The following CMTM1 variants were observed in gnomAD, a reference collection of about 807,000 sequenced individuals.
CMTM1 encodes CKLF-like MARVEL transmembrane domain-containing protein 1.
A neutral mutation model predicts 17.8 loss-of-function variants in CMTM1; 16 were observed. That is an observed-to-expected ratio of 0.90 (90% CI 0.61 to 1.37). The LOEUF is 1.37. Among genes scored for constraint, CMTM1 ranks in the 40% most tolerant of loss-of-function variants. The probability of loss-of-function intolerance (pLI) is 0.00; values close to 1 mark genes in which losing one functional copy is unlikely to be tolerated. For synonymous variants in CMTM1, 169 were observed against 154.6 expected, an observed-to-expected ratio of 1.09 and a Z score of -0.69; for missense variants, 354 against 375.6, an observed-to-expected ratio of 0.94 and a Z score of 0.47.
At position 66,566,937 on chromosome 16, in the gene CMTM1, C is replaced by T; in HGVS notation, c.424C>T (p.Leu142=). 1 of 1,614,144 alleles carries T rather than the reference C, an allele frequency of 6.2e-7. No individual in the cohort carries two copies. The highest frequency in any genetic ancestry group is 8.5e-7 in the Non-Finnish European group (1 of 1,180,032). ...CTCGCCCACTGGAATGTTGAAGATC[C>T]TGAGACTGGTGAGCGGAGAGCTGGT... ...SFSPTGMLKI[L]RLSLILGALA... Residue 142 remains leucine (L), a synonymous_variant, in exon 1 of 4, where the codon CTG becomes TTG. Coordinates refer to ENST00000379500, the MANE Select transcript of CMTM1 (RefSeq NM_052999.4). This position sits in a 1 kb window ranked among gnomAD's most constrained non-coding sequence, Gnocchi z 4.9.
intron 1 of CMTM1, chr16:66,567,157 T>TC: frequency 6.7e-6 from 4 of 595,782 alleles, no homozygotes; most frequent in Middle Eastern, 2.7e-4. Context: ...ATTTTTTCTT[T>TC]TTTTTTTTTT....
intron 1 of CMTM1, among the ~76,000 whole-genome samples, chr16:66,569,482 A>G (rs2013157978): frequency 6.6e-6 from 1 of 152,254 alleles, no homozygotes; most frequent in African/African-American, 2.4e-5. Context: ...CTGAGAATTT[A>G]GTATACAATA....
chr16:66,577,023 T>G lies in CMTM1; in HGVS notation c.592-81T>G, dbSNP rs1000720125. ...AAGGTTTTTTAAAGGCATCTATTCTTAGATGTGTAATTGACCAGTTTAAAT... is the reference window on the plus strand; with the variant it reads ...AAGGTTTTTTAAAGGCATCTATTCTGAGATGTGTAATTGACCAGTTTAAAT... On this transcript the variant is annotated intron_variant, in intron 2 of 3. Coordinates refer to ENST00000379500, the MANE Select transcript of CMTM1 (RefSeq NM_052999.4). The G allele has an allele frequency of 3.1e-6, 4 of 1,293,420 alleles. No individual in the cohort carries two copies. The African/African-American group carries it at 6.0e-5, about 19-fold the overall frequency. 80.1% of individuals were successfully genotyped at this position (1,293,420 alleles called of 1,614,324 possible). A position where few individuals can be genotyped will look rare whatever the true frequency, so the allele number is the denominator to read the frequency against.
At chr16:66,567,043 T>C in intron 1 of CMTM1, 98 bp downstream of exon 1, 1 of 1,295,062 alleles carries the variant, frequency 7.7e-7, no homozygotes, top group Non-Finnish European at 1.1e-6. Context: ...CCTTCCATAA[T>C]TCACTTTGCC....
At chr16:66,572,687 C>A (rs962771616) in intron 2 of CMTM1, among the ~76,000 whole-genome samples, 4 of 152,162 alleles carry the variant, frequency 2.6e-5, no homozygotes, top group African/African-American at 9.7e-5. Context: ...GCCCAGCATG[C>A]AGCTACCACT....
At chr16:66,577,054 T>G in intron 2 of CMTM1, 50 bp from the exon 3 acceptor site, 1 of 1,531,124 alleles carries the variant, frequency 6.5e-7, no homozygotes, top group Non-Finnish European at 9.0e-7. Context: ...TAAATATTTG[T>G]GAAATTATAT....
chr16:66,567,426 G>A (rs143406413), intron 1 of CMTM1: 14 of 247,454 alleles, frequency 5.7e-5, no homozygotes, highest in Non-Finnish European at 1.0e-4. Flanking sequence ...CTGTTCTTGC[G>A]TTAGTTTGCT....
At chr16:66,567,087 A>C (rs1207461046) in intron 1 of CMTM1, 142 bp downstream of exon 1, 3 of 792,286 alleles carry the variant, frequency 3.8e-6, no homozygotes, top group East Asian at 2.7e-5. Context: ...TTTCCTCCCC[A>C]CCACCCCCTG....
intron 2 of CMTM1, 109 bp downstream of exon 2, chr16:66,570,203 A>G: frequency 1.1e-6 from 1 of 873,982 alleles, no homozygotes; most frequent in South Asian, 1.9e-5. Flanking sequence ...ACAAGGACAT[A>G]GCTGAGCTGT....
rs765435625 is a variant in CMTM1, at chr16:66,578,879, G to T, written c.739G>T (p.Val247Phe). The change falls in exon 4 of 4, where the codon GTC becomes TTC. Residue 247 changes from valine (V) to phenylalanine (F), a missense_variant. Val to Phe is a conservative substitution (Grantham distance 50). Coordinates refer to ENST00000379500, the MANE Select transcript of CMTM1 (RefSeq NM_052999.4). Reference sequence around the variant, plus strand: ...CGTGTGTTGCATCGATGCGTTTGTGGTCACCACGAAGATGAGGACCAACTT... The same window carrying T: ...CGTGTGTTGCATCGATGCGTTTGTGTTCACCACGAAGATGAGGACCAACTT... ...VIVCCIDAFV[V>F]TTKMRTNLKR... is the part of the protein sequence containing the mutation. 20 of 1,614,084 alleles carry T rather than the reference G, an allele frequency of 1.2e-5. No homozygotes were observed. The highest frequency in any genetic ancestry group is 1.6e-5 in the Non-Finnish European group (19 of 1,180,046).
At chr16:66,571,048 G>C (rs1167040172) in intron 2 of CMTM1, 1 of 433,710 alleles carries the variant, frequency 2.3e-6, no homozygotes, top group African/African-American at 2.1e-5. Flanking sequence ...CTTAAAGTCA[G>C]AATGTTCCTT....
intron 1 of CMTM1, chr16:66,567,483 A>G (rs2012738324): frequency 5.0e-6 from 1 of 198,698 alleles, no homozygotes; most frequent in African/African-American, 2.4e-5. Context: ...AAAGGACATG[A>G]ACTCATCCTT....
At chr16:66,572,781 C>T (rs981364957) in intron 2 of CMTM1, among the ~76,000 whole-genome samples, 4 of 152,058 alleles carry the variant, frequency 2.6e-5, no homozygotes, top group South Asian at 2.1e-4. Context: ...CTTTAAGTGG[C>T]GATTTCTAAC....
chr16:66,578,110 T>A (rs1308291881), intron 3 of CMTM1, among the ~76,000 whole-genome samples: 1 of 152,096 alleles, frequency 6.6e-6, no homozygotes, highest in East Asian at 1.9e-4. Context: ...AGTCCCGGAG[T>A]GCACAGGGGA....
intron 1 of CMTM1, among the ~76,000 whole-genome samples, chr16:66,568,805 G>A (rs1267530519): frequency 1.3e-5 from 2 of 150,896 alleles, no homozygotes; most frequent in Non-Finnish European, 2.9e-5. Context: ...AGAATTGTTC[G>A]AACCCAGGAA....
chr16:66,568,845 C>G (rs1196181340), intron 1 of CMTM1, among the ~76,000 whole-genome samples: 1 of 150,718 alleles, frequency 6.6e-6, no homozygotes, highest in Non-Finnish European at 1.5e-5. Context: ...GAGATCACAC[C>G]ACTGCACTCC....
chr16:66,575,568 C>T (rs1325028750), intron 2 of CMTM1, among the ~76,000 whole-genome samples: 2 of 152,162 alleles, frequency 1.3e-5, no homozygotes, highest in African/African-American at 4.8e-5. Flanking sequence ...ATTTGGGTGT[C>T]CCTCATGGGA....
chr16:66,578,699 G>A, intron 3 of CMTM1, 132 bp from the exon 4 acceptor site: 1 of 1,206,412 alleles, frequency 8.3e-7, no homozygotes, highest in Non-Finnish European at 1.2e-6. Flanking sequence ...CGCCAAGAAA[G>A]TAGTGAAGGG....
In CMTM1 at chr16:66,578,855, G is replaced by A. The variant is rs1276568051; in HGVS notation, c.715G>A (p.Val239Met). Residue 239 changes from valine to methionine, a missense_variant, in exon 4 of 4, where the codon GTG becomes ATG. Transcript: ENST00000379500. Reference sequence around the variant, plus strand: ...GTCCCTGTGTCTCACAGCGGTAATCGTGTGTTGCATCGATGCGTTTGTGGT... The same window carrying A: ...GTCCCTGTGTCTCACAGCGGTAATCATGTGTTGCATCGATGCGTTTGTGGT... ...GGSLCLTAVI[V>M]CCIDAFVVTT... The A allele has an allele frequency of 2.5e-6, 4 of 1,614,130 alleles. No homozygotes were observed. The highest frequency in any genetic ancestry group is 3.4e-6 in the Non-Finnish European group (4 of 1,179,984).
Sources: gnomAD v4.1 joint callset for allele counts (sites outside exome capture counted in the v4.1 genomes callset) on GRCh38, gnomAD v4.1.1 for gene constraint, Gnocchi (gnomAD v3.1) non-coding constraint, MANE v1.5 for transcripts, NCBI Gene and HGNC (gene_info 2026-07-23, HGNC 2026-07-21) for gene names.